GAL3ST4: variants seen among roughly 807,000 people sequenced by gnomAD.
GAL3ST4 encodes galactose-3-O-sulfotransferase 4, also known as beta-galactose-3-O-sulfotransferase 4.
GAL3ST4 carries 30 observed loss-of-function variants against 31.6 expected under a neutral mutation model. The observed-to-expected ratio is 0.95, with a 90% confidence interval of 0.71 to 1.29. The LOEUF (loss-of-function observed/expected upper bound fraction) is 1.29. Among genes scored for constraint, GAL3ST4 ranks in the 50% most tolerant of loss-of-function variants. GAL3ST4 has a pLI of 0.00. For missense variants in GAL3ST4, 629 were observed against 625.2 expected, an observed-to-expected ratio of 1.01 and a Z score of -0.06; for synonymous variants, 248 against 256.9, an observed-to-expected ratio of 0.97 and a Z score of 0.33.
rs1798994322 is a variant in GAL3ST4, at chr7:100,160,920, T to A, written c.469A>T (p.Ile157Phe). 4 of 1,600,482 alleles carry A rather than the reference T, an allele frequency of 2.5e-6. No homozygotes were observed. The highest frequency in any genetic ancestry group is 3.4e-6 in the Non-Finnish European group (4 of 1,175,512). ...GCCAGAGCCGCTGGGTCTCGGACAA[T>A]GGAAAAAAAGAAGCTGTCAGAAGGC... ...VMPSDSFFFS[I>F]VRDPAALARS... Residue 157 changes from isoleucine (I) to phenylalanine (F), a missense_variant, in exon 4 of 4, where the codon ATT becomes TTT. Coordinates refer to ENST00000360039, the MANE Select transcript of GAL3ST4 (RefSeq NM_024637.5).
At chr7:100,163,622 A>C (rs1007215782) in intron 3 of GAL3ST4, among the ~76,000 whole-genome samples, 1 of 150,136 alleles carries the variant, frequency 6.7e-6, no homozygotes, top group Non-Finnish European at 1.5e-5. Context: ...AGCCTTGAAA[A>C]CTCCTGGGCT....
Position 100,160,924 on chromosome 7 carries a change from A to G in GAL3ST4, c.465T>C (p.Phe155=), listed in dbSNP as rs757738817. ...LQVMPSDSFF[F]SIVRDPAALA... ...GAGCCGCTGGGTCTCGGACAATGGA[A>G]AAAAAGAAGCTGTCAGAAGGCATGA... Residue 155 remains phenylalanine, a synonymous_variant, in exon 4 of 4, where the codon TTT becomes TTC. Coordinates refer to ENST00000360039, the MANE Select transcript of GAL3ST4 (RefSeq NM_024637.5). 1 of 1,604,354 alleles carries G rather than the reference A, an allele frequency of 6.2e-7. No homozygotes were observed. Among genetic ancestry groups the G allele is most frequent in the Middle Eastern group, 1.7e-4 (1 of 6,002 alleles).
chr7:100,160,974 A>G lies in GAL3ST4; in HGVS notation c.430-15T>C. 6.4e-7 allele frequency: 1 copy of G among 1,559,350 alleles called. No individual in the cohort carries two copies. Among genetic ancestry groups the G allele is most frequent in the Non-Finnish European group, 8.6e-7 (1 of 1,157,210 alleles). On this transcript the variant is annotated splice_polypyrimidine_tract_variant and intron_variant, in intron 3 of 3. Coordinates refer to ENST00000360039, the MANE Select transcript of GAL3ST4 (RefSeq NM_024637.5). ...ACCTGAAGTACCTGCAGAGGAGGGA[A>G]GACAGAAGAGAGAGAACTGGGCTGG...
rs770871966 is a variant in GAL3ST4 at position 100,160,139 on chromosome 7, T to C, written c.1250A>G (p.Lys417Arg). The change falls in exon 4 of 4, where the codon AAA (lysine) becomes AGA (arginine). Residue 417 changes from lysine (K) to arginine (R), a missense_variant. Physicochemically the swap from Lys to Arg is conservative, Grantham distance 26. Coordinates refer to ENST00000360039, the MANE Select transcript of GAL3ST4 (RefSeq NM_024637.5). ...CLVGGEASDPKYITDRRFRPF... is the reference protein window; with the variant it reads ...CLVGGEASDPRYITDRRFRPF... ...GCGGAACCGGCGATCAGTGATGTAT[T>C]TGGGGTCAGAAGCCTCACCCCCTAC... The C allele has an allele frequency of 1.7e-5, 28 of 1,613,756 alleles. No individual in the cohort carries two copies. Among genetic ancestry groups the C allele is most frequent in the Non-Finnish European group, 2.2e-5 (26 of 1,179,802 alleles).
In GAL3ST4 at chr7:100,166,810, G is replaced by C; in HGVS notation, c.126-5C>G. On this transcript the variant is annotated splice_polypyrimidine_tract_variant and splice_region_variant and intron_variant, in intron 2 of 3. Coordinates refer to ENST00000360039, the MANE Select transcript of GAL3ST4 (RefSeq NM_024637.5). Reference sequence around the variant, plus strand: ...CGGAGCTGTAGCCCAGGTAGCCTGGGAAGAGATGGAGGGGGAGTGTCCTGT... The same window carrying C: ...CGGAGCTGTAGCCCAGGTAGCCTGGCAAGAGATGGAGGGGGAGTGTCCTGT... 3.8e-6 allele frequency: 6 copies of C among 1,594,306 alleles called. No individual in the cohort carries two copies. Among genetic ancestry groups the C allele is most frequent in the Non-Finnish European group, 4.3e-6 (5 of 1,170,336 alleles).
chr7:100,161,923 C>A (rs538025467), intron 3 of GAL3ST4, among the ~76,000 whole-genome samples: 48 of 151,734 alleles, frequency 3.2e-4, no homozygotes, highest in Non-Finnish European at 6.6e-4. Flanking sequence ...ACAGTGAGAA[C>A]ACATGGACAC....
At position 100,159,762 on chromosome 7, in the gene GAL3ST4, G is replaced by T; in HGVS notation, c.*166C>A. 1 of 592,500 alleles carries T rather than the reference G, an allele frequency of 1.7e-6. No homozygotes were observed. The highest frequency in any genetic ancestry group is 2.9e-6 in the Non-Finnish European group (1 of 344,180). The allele number at this position is 592,500 out of a possible 1,614,324, so 36.7% of individuals were successfully genotyped here. A position where few individuals can be genotyped will look rare whatever the true frequency, so the allele number is the denominator to read the frequency against. On this transcript the variant is annotated 3_prime_UTR_variant, in exon 4 of 4. Transcript: ENST00000360039. ...GGGGGAAAGAACAAAATGAGTGGAGGGTGGAGGAGGGAAGCACTGCTGGGA... is the reference window on the plus strand; with the variant it reads ...GGGGGAAAGAACAAAATGAGTGGAGTGTGGAGGAGGGAAGCACTGCTGGGA...
chr7:100,165,118 C>A (rs1799052482), intron 3 of GAL3ST4, among the ~76,000 whole-genome samples: 1 of 152,070 alleles, frequency 6.6e-6, no homozygotes, highest in Non-Finnish European at 1.5e-5. Flanking sequence ...TTGTGATCCA[C>A]CCGCCTTGGC....
In GAL3ST4 at chr7:100,159,935, G is replaced by A; in HGVS notation, c.1454C>T (p.Ser485Phe). 6.2e-7 allele frequency: 1 copy of A among 1,601,730 alleles called. No individual in the cohort carries two copies. Among genetic ancestry groups the A allele is most frequent in the Non-Finnish European group, 8.5e-7 (1 of 1,173,168 alleles). ...SLPLKTSRPL[S>F]P ...AAATCTGTAGTCTGATGTTTATGGG[G>A]AGAGTGGCCTTGAAGTCTTGAGGGG... Residue 485 changes from serine to phenylalanine, a missense_variant, in exon 4 of 4, where the codon TCC (serine) becomes TTC (phenylalanine). Coordinates refer to ENST00000360039, the MANE Select transcript of GAL3ST4 (RefSeq NM_024637.5).
intron 3 of GAL3ST4, among the ~76,000 whole-genome samples, chr7:100,162,836 G>A (rs1055114244): frequency 4.8e-5 from 7 of 145,942 alleles, no homozygotes; most frequent in South Asian, 4.4e-4. Flanking sequence ...AAAATTAGCC[G>A]GGCACTAATT....
intron 3 of GAL3ST4, among the ~76,000 whole-genome samples, chr7:100,163,851 G>A (rs1799037678): frequency 6.6e-6 from 1 of 152,128 alleles, no homozygotes; most frequent in Non-Finnish European, 1.5e-5. Context: ...TCTCTTTGAA[G>A]GCAGAGGGGA....
rs1799076547 is a variant in GAL3ST4, at chr7:100,166,534, G to T, written c.397C>A (p.Leu133Ile). Reference protein sequence around the residue: ...GGGTQLPFHILCHHMRFNLKE... With the variant: ...GGGTQLPFHIICHHMRFNLKE... ...AGGTTGAACCTCATGTGGTGACAGAGGATGTGGAAGGGGAGCTGGGTGCCT... is the reference window on the plus strand; with the variant it reads ...AGGTTGAACCTCATGTGGTGACAGATGATGTGGAAGGGGAGCTGGGTGCCT... The change falls in exon 3 of 4, where the codon CTC (leucine) becomes ATC (isoleucine). Residue 133 changes from leucine (L) to isoleucine (I), a missense_variant. Transcript: ENST00000360039. 2 of 1,613,894 alleles carry T rather than the reference G, an allele frequency of 1.2e-6. No individual in the cohort carries two copies. Among genetic ancestry groups the T allele is most frequent in the Admixed American group, 1.7e-5 (1 of 59,990 alleles).
Position 100,166,634 on chromosome 7 carries a change from G to A in GAL3ST4, c.297C>T (p.Leu99=), listed in dbSNP as rs745733320. The A allele has an allele frequency of 6.2e-7, 1 of 1,614,236 alleles. No individual in the cohort carries two copies. Among genetic ancestry groups the A allele is most frequent in the Admixed American group, 1.7e-5 (1 of 60,034 alleles). ...YGDQHGLRFA[L]PARYQFGYPK... Reference sequence around the variant, plus strand: ...GGTAGCCAAACTGGTAGCGGGCAGGGAGGGCGAAGCGCAGCCCGTGCTGGT... The same window carrying A: ...GGTAGCCAAACTGGTAGCGGGCAGGAAGGGCGAAGCGCAGCCCGTGCTGGT... Residue 99 remains leucine (L), a synonymous_variant, in exon 3 of 4, where the codon CTC becomes CTT. Coordinates refer to ENST00000360039, the MANE Select transcript of GAL3ST4 (RefSeq NM_024637.5).
At position 100,159,912 on chromosome 7, in the gene GAL3ST4, A is replaced by G. The variant is rs368628642; in HGVS notation, c.*16T>C. On this transcript the variant is annotated 3_prime_UTR_variant, in exon 4 of 4. Coordinates refer to ENST00000360039, the MANE Select transcript of GAL3ST4 (RefSeq NM_024637.5). ...CAAACATGGCTGCTCTTCCACCTAA[A>G]TCTGTAGTCTGATGTTTATGGGGAG... 30 of 1,572,690 alleles carry G rather than the reference A, an allele frequency of 1.9e-5. No homozygotes were observed. In the African/African-American group the frequency reaches 3.5e-4, roughly 19 times the overall value.
rs745563991 is a variant in GAL3ST4, at chr7:100,159,969, C to T, written c.1420G>A (p.Val474Ile). ...KLDAKQFPPT[V>I]SLPLKTSRPL... ...CTTGAAGTCTTGAGGGGCAGTGAGA[C>T]GGTAGGGGGGAACTGCTTGGCATCC... Residue 474 changes from valine (V) to isoleucine (I), a missense_variant, in exon 4 of 4, where the codon GTC becomes ATC. Val to Ile is a conservative substitution (Grantham distance 29). Transcript: ENST00000360039. 2.3e-5 allele frequency: 37 copies of T among 1,612,244 alleles called. No individual in the cohort carries two copies. Among genetic ancestry groups the T allele is most frequent in the Non-Finnish European group, 3.0e-5 (35 of 1,179,170 alleles).
intron 3 of GAL3ST4, among the ~76,000 whole-genome samples, chr7:100,164,127 T>C (rs894121627): frequency 6.6e-6 from 1 of 152,150 alleles, no homozygotes; most frequent in African/African-American, 2.4e-5. Flanking sequence ...ATTGCCTCAC[T>C]CCTGGCAGTG....
intron 3 of GAL3ST4, among the ~76,000 whole-genome samples, chr7:100,162,318 G>A (rs898021836): frequency 2.0e-4 from 30 of 151,508 alleles, no homozygotes; most frequent in Non-Finnish European, 3.8e-4. Flanking sequence ...AGGCTGAGGC[G>A]GGTGGATCAC....
In GAL3ST4 at chr7:100,160,479, C is replaced by T; in HGVS notation, c.910G>A (p.Ala304Thr). 6.2e-7 allele frequency: 1 copy of T among 1,614,074 alleles called. No homozygotes were observed. The highest frequency in any genetic ancestry group is 8.5e-7 in the Non-Finnish European group (1 of 1,180,006). ...LDSVFDLVMV[A>T]EYFDESLVLL... is the part of the protein sequence containing the mutation. Reference sequence around the variant, plus strand: ...ACCAATGACTCATCGAAGTACTCAGCCACCATGACCAGGTCAAAGACAGAG... The same window carrying T: ...ACCAATGACTCATCGAAGTACTCAGTCACCATGACCAGGTCAAAGACAGAG... The change falls in exon 4 of 4, where the codon GCT (alanine) becomes ACT (threonine). Residue 304 changes from alanine (A) to threonine (T), a missense_variant. Ala to Thr is a moderately conservative substitution (Grantham distance 58). Transcript: ENST00000360039.
Position 100,168,058 on chromosome 7 carries a change from G to A in GAL3ST4, c.-189+488C>T. ...GAGAAACAGAGAGAGAGAGACAGAG[G>A]GACAGAGAGACTATGACACAAAGAT... On this transcript the variant is annotated intron_variant, in intron 1 of 3. Transcript: ENST00000360039. This position sits in a 1 kb window ranked among gnomAD's most constrained non-coding sequence, Gnocchi z 4.1. 6.6e-6 allele frequency: 1 copy of A among 150,384 alleles called. No individual in the cohort carries two copies. 9.3% of individuals were successfully genotyped at this position (150,384 alleles called of 1,614,324 possible).
Sources: allele counts gnomAD v4.1 joint callset (sites outside exome capture counted in the v4.1 genomes callset), GRCh38; gene constraint gnomAD v4.1.1; non-coding constraint Gnocchi (gnomAD v3.1); transcripts MANE v1.5; gene names NCBI Gene and HGNC (gene_info 2026-07-23, HGNC 2026-07-21).